Variants in PTPRM observed in about 807,000 individuals in gnomAD.
PTPRM encodes protein tyrosine phosphatase receptor type M, also known as receptor-type tyrosine-protein phosphatase mu.
PTPRM carries 47 observed loss-of-function variants against 186.7 expected under a neutral mutation model. The ratio of observed to expected loss-of-function variants is 0.25; its 90% CI spans 0.20 to 0.32. The LOEUF is 0.32. PTPRM is among the 10% of genes least tolerant of loss of function. The pLI is 1.00. For missense variants in PTPRM, 1,494 were observed against 1,865.0 expected, an observed-to-expected ratio of 0.80 and a Z score of 3.66; for synonymous variants, 668 against 674.9, an observed-to-expected ratio of 0.99 and a Z score of 0.16.
intron 29 of PTPRM, among the ~76,000 whole-genome samples, chr18:8,383,722 T>G (rs1186357726): frequency 6.6e-6 from 1 of 151,560 alleles, no homozygotes. Flanking sequence ...GCTGCAAGGG[T>G]TTGGACTGGA....
chr18:7,861,709 C>T (rs891675967), intron 2 of PTPRM, among the ~76,000 whole-genome samples: 4 of 151,924 alleles, frequency 2.6e-5, no homozygotes, highest in South Asian at 2.1e-4. Flanking sequence ...AAATCTTGTG[C>T]ACCTTTCTTG....
intron 23 of PTPRM, among the ~76,000 whole-genome samples, chr18:8,351,256 T>C (rs2095532634): frequency 6.6e-6 from 1 of 152,226 alleles, no homozygotes; most frequent in African/African-American, 2.4e-5. Context: ...TTCTGTCCTT[T>C]AGTATAAGTT....
At chr18:7,832,248 A>T (rs984254785) in intron 2 of PTPRM, among the ~76,000 whole-genome samples, 1 of 152,168 alleles carries the variant, frequency 6.6e-6, no homozygotes, top group Non-Finnish European at 1.5e-5. Context: ...CACCAACTGT[A>T]TATGAAGGTT....
chr18:8,116,959 T>C (rs935283061), intron 13 of PTPRM, among the ~76,000 whole-genome samples: 3 of 152,162 alleles, frequency 2.0e-5, no homozygotes, highest in African/African-American at 7.2e-5. Flanking sequence ...TGCATAACAT[T>C]GTCATTCTGT....
intron 2 of PTPRM, among the ~76,000 whole-genome samples, chr18:7,868,211 A>G (rs144132532): frequency 4.5e-4 from 68 of 152,196 alleles, no homozygotes; most frequent in African/African-American, 1.6e-3. Context: ...TGTCAAACTC[A>G]TTGTCTGTCG....
At chr18:7,659,145 CACACACA>C (rs1413917103) in intron 1 of PTPRM, among the ~76,000 whole-genome samples, 5 of 151,836 alleles carry the variant, frequency 3.3e-5, no homozygotes, top group African/African-American at 1.2e-4. Context: ...CACACACACA[CACACACA>C]CACAATCTCC....
intron 7 of PTPRM, among the ~76,000 whole-genome samples, chr18:7,960,802 C>T (rs1211226251): frequency 1.3e-5 from 2 of 151,610 alleles, no homozygotes; most frequent in African/African-American, 2.4e-5. Context: ...CATGTGTATA[C>T]AATACAGTGT....
intron 19 of PTPRM, among the ~76,000 whole-genome samples, chr18:8,274,155 G>T (rs115967414): frequency 1.2e-3 from 190 of 152,120 alleles, no homozygotes; most frequent in African/African-American, 4.3e-3. Flanking sequence ...AGTTTTCAGC[G>T]GTTTATGCTT....
intron 1 of PTPRM, among the ~76,000 whole-genome samples, chr18:7,585,003 C>T (rs971418164): frequency 4.6e-5 from 7 of 152,164 alleles, no homozygotes; most frequent in Non-Finnish European, 8.8e-5. Flanking sequence ...ACATAGACAG[C>T]GTGGAAATTA....
At chr18:7,705,877 C>A (rs933151070) in intron 1 of PTPRM, among the ~76,000 whole-genome samples, 5 of 150,906 alleles carry the variant, frequency 3.3e-5, no homozygotes, top group Non-Finnish European at 7.4e-5. Flanking sequence ...GTTTTCAAGT[C>A]CACTAGATAG....
chr18:7,993,448 AAG>A (rs1241815550), intron 7 of PTPRM, among the ~76,000 whole-genome samples: 46 of 152,270 alleles, frequency 3.0e-4, no homozygotes, highest in African/African-American at 1.1e-3. Flanking sequence ...TCAAAAGTTA[AAG>A]AGAGAATTCT....
chr18:7,721,356 T>A (rs2040443977), intron 1 of PTPRM, among the ~76,000 whole-genome samples: 1 of 152,122 alleles, frequency 6.6e-6, no homozygotes, highest in Admixed American at 6.5e-5. Context: ...CTTCTTCATA[T>A]GTTCTGTATA....
chr18:8,264,760 G>C (rs998314352), intron 19 of PTPRM, among the ~76,000 whole-genome samples: 5 of 134,378 alleles, frequency 3.7e-5, no homozygotes, highest in African/African-American at 1.5e-4. Context: ...TGGTGACAGA[G>C]CAAGACTCCA....
chr18:7,605,684 A>G (rs16952205), intron 1 of PTPRM, among the ~76,000 whole-genome samples: 189 of 152,244 alleles, frequency 1.2e-3, no homozygotes, highest in African/African-American at 4.2e-3. Flanking sequence ...CTTATTTGCA[A>G]TGTTACCTGT....
At chr18:8,236,546 T>A (rs1338977455) in intron 14 of PTPRM, among the ~76,000 whole-genome samples, 2 of 152,230 alleles carry the variant, frequency 1.3e-5, no homozygotes, top group East Asian at 1.9e-4. Flanking sequence ...GGTTTATTTT[T>A]TATTTATTTT....
At chr18:8,077,126 G>GA (rs1389339581) in intron 9 of PTPRM, among the ~76,000 whole-genome samples, 2 of 152,062 alleles carry the variant, frequency 1.3e-5, no homozygotes, top group Non-Finnish European at 2.9e-5. Flanking sequence ...ATTGTTCAAG[G>GA]AAAAAAGTAA....
chr18:7,932,048 C>T (rs754616178), intron 5 of PTPRM, among the ~76,000 whole-genome samples: 6 of 152,152 alleles, frequency 3.9e-5, no homozygotes, highest in Non-Finnish European at 7.3e-5. Context: ...TTCTTGTAAT[C>T]GTTGTAGAGG....
intron 2 of PTPRM, among the ~76,000 whole-genome samples, chr18:7,880,538 G>A (rs2048454490): frequency 1.3e-5 from 2 of 152,176 alleles, no homozygotes; most frequent in African/African-American, 4.8e-5. Context: ...TAGCTTAGGA[G>A]GGATATATGA....
At chr18:7,902,890 A>G (rs2049775642) in intron 3 of PTPRM, among the ~76,000 whole-genome samples, 1 of 140,590 alleles carries the variant, frequency 7.1e-6, no homozygotes, top group African/African-American at 2.8e-5. Context: ...GACCCTGTAT[A>G]GCTTTAAACA....
Sources: allele counts gnomAD v4.1 joint callset (sites outside exome capture counted in the v4.1 genomes callset), GRCh38; gene constraint gnomAD v4.1.1; transcripts MANE v1.5; gene names NCBI Gene and HGNC (gene_info 2026-07-23, HGNC 2026-07-21).